Variants in GLRB observed in about 807,000 individuals in gnomAD.
The protein encoded by GLRB is glycine receptor subunit beta.
GLRB carries 33 observed loss-of-function variants against 54.2 expected under a neutral mutation model. The observed-to-expected ratio is 0.61, with a 90% CI of 0.46 to 0.81. The LOEUF is 0.81. Ranked by LOEUF, GLRB falls within the 40% of genes least tolerant of loss-of-function variation. The pLI, the probability that GLRB is intolerant of heterozygous loss-of-function variation, is 0.00. For synonymous variants in GLRB, 209 were observed against 208.2 expected (o/e 1.00, Z -0.03); for missense variants, 572 against 584.6 (o/e 0.98, Z 0.22).
intron 2 of GLRB, among the ~76,000 whole-genome samples, chr4:157,099,853 A>G (rs970920105): frequency 7.2e-5 from 11 of 152,112 alleles, no homozygotes; most frequent in African/African-American, 2.7e-4. Context: ...AATTTTAACC[A>G]TCTTCTGTGA....
intron 2 of GLRB, among the ~76,000 whole-genome samples, chr4:157,105,186 G>C (rs1410175228): frequency 6.6e-6 from 1 of 150,926 alleles, no homozygotes; most frequent in Non-Finnish European, 1.5e-5. Context: ...TATATTATAA[G>C]CTTCCCTCTT....
At chr4:157,106,157 A>G (rs748381037) in intron 2 of GLRB, among the ~76,000 whole-genome samples, 6 of 152,040 alleles carry the variant, frequency 3.9e-5, no homozygotes, top group Non-Finnish European at 7.4e-5. Context: ...TTTGCCATGT[A>G]GAGTACTCTT....
intron 9 of GLRB, among the ~76,000 whole-genome samples, chr4:157,155,674 G>C (rs1737199591): frequency 6.6e-6 from 1 of 152,124 alleles, no homozygotes; most frequent in African/African-American, 2.4e-5. Context: ...TTCCTCTGTA[G>C]GTAAAGTGTC....
intron 4 of GLRB, among the ~76,000 whole-genome samples, chr4:157,132,270 G>C (rs1285405658): frequency 6.6e-6 from 1 of 151,616 alleles, no homozygotes; most frequent in Non-Finnish European, 1.5e-5. Flanking sequence ...TCTGATGGTT[G>C]AGTTTCAAGA....
intron 4 of GLRB, among the ~76,000 whole-genome samples, chr4:157,134,943 T>C (rs1366786081): frequency 6.6e-6 from 1 of 152,254 alleles, no homozygotes; most frequent in East Asian, 1.9e-4. Context: ...TCCAGTCATA[T>C]GAAGCATATG....
chr4:157,127,231 T>C (rs764999615), intron 4 of GLRB, among the ~76,000 whole-genome samples: 2 of 151,834 alleles, frequency 1.3e-5, no homozygotes, highest in Non-Finnish European at 2.9e-5. Context: ...TGTTGTTAAT[T>C]TTAAAGCATG....
intron 4 of GLRB, among the ~76,000 whole-genome samples, chr4:157,126,603 T>C (rs574256268): frequency 6.6e-6 from 1 of 152,054 alleles, no homozygotes; most frequent in South Asian, 2.1e-4. Flanking sequence ...TATGTGCTAC[T>C]GCTTGTGACA....
Position 157,138,903 on chromosome 4 carries a change from G to A in GLRB, c.705G>A (p.Lys235=). 6.1e-6 allele frequency: 9 copies of A among 1,480,880 alleles called. No homozygotes were observed. Among genetic ancestry groups the A allele is most frequent in the Non-Finnish European group, 8.5e-6 (9 of 1,059,778 alleles). 91.7% of individuals were successfully genotyped at this position (1,480,880 alleles called of 1,614,324 possible). A position where few individuals can be genotyped will look rare whatever the true frequency, so the allele number is the denominator to read the frequency against. The change falls in exon 7 of 10, where the codon AAG becomes AAA. Residue 235 remains lysine, a synonymous_variant. Coordinates refer to ENST00000264428, the MANE Select transcript of GLRB (RefSeq NM_000824.5). Reference sequence around the variant, plus strand: ...CCTTGCCTCAATTTGATATCAAAAAGGAAGATATTGAATATGGTAACTGTA... The same window carrying A: ...CCTTGCCTCAATTTGATATCAAAAAAGAAGATATTGAATATGGTAACTGTA... ...KIALPQFDIK[K]EDIEYGNCTK... is the part of the protein sequence containing the mutation.
At chr4:157,094,587 A>T (rs1464328344) in intron 2 of GLRB, among the ~76,000 whole-genome samples, 1 of 152,238 alleles carries the variant, frequency 6.6e-6, no homozygotes, top group East Asian at 1.9e-4. Flanking sequence ...CCTAAAGGCC[A>T]AAAGAGGGTA....
At chr4:157,091,195 G>T (rs1475133964) in intron 2 of GLRB, among the ~76,000 whole-genome samples, 1 of 151,974 alleles carries the variant, frequency 6.6e-6, no homozygotes, top group Non-Finnish European at 1.5e-5. Flanking sequence ...ATAATAGTTT[G>T]GCGTGCAGCA....
chr4:157,113,315 T>C (rs1735488755), intron 2 of GLRB, among the ~76,000 whole-genome samples: 2 of 151,934 alleles, frequency 1.3e-5, no homozygotes, highest in Non-Finnish European at 2.9e-5. Flanking sequence ...CTGTAGAGTA[T>C]GGAAAGTAAT....
chr4:157,124,223 C>T (rs1185281162), intron 4 of GLRB, among the ~76,000 whole-genome samples: 1 of 151,788 alleles, frequency 6.6e-6, no homozygotes, highest in Non-Finnish European at 1.5e-5. Flanking sequence ...GTACCAGATT[C>T]AATAAATTCT....
At chr4:157,101,136 A>C (rs1560942123) in intron 2 of GLRB, among the ~76,000 whole-genome samples, 2 of 152,154 alleles carry the variant, frequency 1.3e-5, no homozygotes, top group South Asian at 4.1e-4. Flanking sequence ...TTCCCCCAAA[A>C]GCAGTGTTAG....
At chr4:157,100,924 G>A (rs1210415164) in intron 2 of GLRB, among the ~76,000 whole-genome samples, 1 of 152,124 alleles carries the variant, frequency 6.6e-6, no homozygotes, top group Non-Finnish European at 1.5e-5. Context: ...ATTCCATGAG[G>A]TCAACTGTTT....
chr4:157,120,670 T>TCC lies in GLRB; in HGVS notation c.229+12_229+13dup, dbSNP rs1560953815. 7.8e-7 allele frequency: 1 copy of TCC among 1,288,532 alleles called. No homozygotes were observed. The highest frequency in any genetic ancestry group is 1.7e-5 in the Admixed American group (1 of 59,008). 79.8% of individuals were successfully genotyped at this position (1,288,532 alleles called of 1,614,324 possible). A position where few individuals can be genotyped will look rare whatever the true frequency, so the allele number is the denominator to read the frequency against. On this transcript the variant is annotated intron_variant, in intron 3 of 9. Transcript: ENST00000264428. ...TAAGACCAAACTTCAAAGGTTTGTC[T>TCC]CCCCCATATAAATGTTCATTTTTAT...
chr4:157,165,342 T>C (rs1737665669), intron 9 of GLRB, among the ~76,000 whole-genome samples: 1 of 152,056 alleles, frequency 6.6e-6, no homozygotes, highest in Admixed American at 6.5e-5. Flanking sequence ...GGTTTCAAAA[T>C]GCATTTTTTC....
chr4:157,101,408 G>A (rs1215981904), intron 2 of GLRB, among the ~76,000 whole-genome samples: 1 of 151,930 alleles, frequency 6.6e-6, no homozygotes, highest in East Asian at 1.9e-4. Flanking sequence ...AGATACATAA[G>A]AACATTGTTC....
At chr4:157,155,576 T>C (rs1737194762) in intron 9 of GLRB, among the ~76,000 whole-genome samples, 1 of 152,258 alleles carries the variant, frequency 6.6e-6, no homozygotes, top group South Asian at 2.1e-4. Flanking sequence ...CAATTCTATA[T>C]GCATTTCTTT....
At chr4:157,164,999 G>C (rs1281171770) in intron 9 of GLRB, among the ~76,000 whole-genome samples, 1 of 152,122 alleles carries the variant, frequency 6.6e-6, no homozygotes, top group African/African-American at 2.4e-5. Flanking sequence ...TGAAACTGCT[G>C]TGACATTTTG....
Sources: allele counts gnomAD v4.1 joint callset (sites outside exome capture counted in the v4.1 genomes callset), GRCh38; gene constraint gnomAD v4.1.1; transcripts MANE v1.5; gene names NCBI Gene and HGNC (gene_info 2026-07-23, HGNC 2026-07-21).